The following ARB2A variants were observed in gnomAD, a reference collection of about 807,000 sequenced individuals.
ARB2A encodes ARB2 cotranscriptional regulator A.
the ARB2A span, among the ~76,000 whole-genome samples, chr5:93,899,749 CAGA>C: frequency 6.6e-6 from 1 of 152,120 alleles, no homozygotes; most frequent in South Asian, 2.1e-4. Flanking sequence ...CTAGGTTAAA[CAGA>C]AGAAGCCGGT....
the ARB2A span, chr5:93,958,979 A>G: frequency 2.7e-6 from 4 of 1,506,422 alleles, no homozygotes; most frequent in South Asian, 4.1e-5. Context: ...CTGTAATTAA[A>G]TAAAATTAAA....
chr5:93,620,356 T>TC, the ARB2A span: 1 of 152,154 alleles, frequency 6.6e-6, no homozygotes, highest in Non-Finnish European at 1.5e-5. Flanking sequence ...TGTTTTTTTT[T>TC]CTGGTCCCGA....
chr5:93,780,347 G>T, the ARB2A span, among the ~76,000 whole-genome samples: 1 of 152,196 alleles, frequency 6.6e-6, no homozygotes, highest in Non-Finnish European at 1.5e-5. Context: ...ACTCAGCCTA[G>T]ACAGTCCTGG....
At chr5:93,682,790 A>T in the ARB2A span, 17 of 990,148 alleles carry the variant, frequency 1.7e-5, 1 homozygote, top group Non-Finnish European at 2.7e-5. Flanking sequence ...TGTTAACAGA[A>T]ATGAAATAAG....
At chr5:93,741,716 T>A in the ARB2A span, 1 of 872,542 alleles carries the variant, frequency 1.1e-6, no homozygotes, top group Non-Finnish European at 1.7e-6. Context: ...ATCTGGTAGA[T>A]CCATAGGAAC....
the ARB2A span, among the ~76,000 whole-genome samples, chr5:93,762,596 T>G: frequency 2.0e-5 from 3 of 152,162 alleles, no homozygotes; most frequent in East Asian, 1.9e-4. Context: ...GAAAGTGATA[T>G]GGAGAATGGA....
At chr5:93,967,777 T>G in the ARB2A span, among the ~76,000 whole-genome samples, 1 of 152,038 alleles carries the variant, frequency 6.6e-6, no homozygotes, top group Non-Finnish European at 1.5e-5. Flanking sequence ...AGAAACTATT[T>G]TACCAGAACC....
At chr5:93,680,820 G>A in the ARB2A span, among the ~76,000 whole-genome samples, 1 of 152,114 alleles carries the variant, frequency 6.6e-6, no homozygotes, top group East Asian at 1.9e-4. Flanking sequence ...ATTAAAGACA[G>A]GGTCTGGACT....
the ARB2A span, among the ~76,000 whole-genome samples, chr5:94,063,462 CA>C: frequency 2.6e-5 from 4 of 152,176 alleles, no homozygotes; most frequent in Non-Finnish European, 5.9e-5. Flanking sequence ...TAGCCCATAC[CA>C]TACCCACTGT....
chr5:93,723,174 G>C, the ARB2A span, among the ~76,000 whole-genome samples: 2 of 152,126 alleles, frequency 1.3e-5, no homozygotes, highest in African/African-American at 4.8e-5. Context: ...AACACCTCAA[G>C]GTTAGAGGGC....
At chr5:93,703,311 C>T in the ARB2A span, among the ~76,000 whole-genome samples, 1 of 152,198 alleles carries the variant, frequency 6.6e-6, no homozygotes, top group Non-Finnish European at 1.5e-5. Context: ...ACTATCAGAT[C>T]TGGATTAGAA....
chr5:93,664,642 T>A, the ARB2A span, among the ~76,000 whole-genome samples: 1,204 of 147,770 alleles, frequency 8.1e-3, 13 homozygotes, highest in African/African-American at 0.026. Context: ...AAAATATATA[T>A]ATATATATAT....
At chr5:93,845,744 A>T in the ARB2A span, among the ~76,000 whole-genome samples, 4 of 151,188 alleles carry the variant, frequency 2.6e-5, no homozygotes, top group African/African-American at 9.9e-5. Context: ...TTGGAACGTG[A>T]GTGTCTGTGT....
chr5:93,741,787 T>C, the ARB2A span: 6 of 492,586 alleles, frequency 1.2e-5, no homozygotes, highest in African/African-American at 1.9e-5. Flanking sequence ...CCAACTCCCA[T>C]AGAGGTACAA....
chr5:93,781,753 T>C, the ARB2A span: 2 of 353,134 alleles, frequency 5.7e-6, no homozygotes, highest in Non-Finnish European at 7.9e-6. Flanking sequence ...ATTTTGGTTT[T>C]AATTTGCATT....
the ARB2A span, among the ~76,000 whole-genome samples, chr5:93,823,113 T>C: frequency 1.3e-5 from 2 of 152,242 alleles, no homozygotes; most frequent in Non-Finnish European, 2.9e-5. Flanking sequence ...GGATTTAAAA[T>C]GATCAACTGC....
the ARB2A span, among the ~76,000 whole-genome samples, chr5:93,665,331 C>T: frequency 2.6e-5 from 4 of 152,104 alleles, no homozygotes; most frequent in East Asian, 7.7e-4. Context: ...ATAAGAGATT[C>T]TGTAGCTTAT....
the ARB2A span, among the ~76,000 whole-genome samples, chr5:93,792,626 T>A: frequency 7.0e-6 from 1 of 142,180 alleles, no homozygotes; most frequent in African/African-American, 2.6e-5. Context: ...ACGCATGTTC[T>A]CACTCATAGA....
At chr5:94,047,669 G>A in the ARB2A span, among the ~76,000 whole-genome samples, 5 of 152,082 alleles carry the variant, frequency 3.3e-5, no homozygotes, top group East Asian at 1.9e-4. Flanking sequence ...GATTCTTATC[G>A]ACTAAGGTAC....
Sources: allele counts gnomAD v4.1 joint callset (sites outside exome capture counted in the v4.1 genomes callset), GRCh38; gene constraint gnomAD v4.1.1; transcripts MANE v1.5; gene names NCBI Gene and HGNC (gene_info 2026-07-23, HGNC 2026-07-21).